The following MACF1 variants were observed in gnomAD, a reference collection of about 807,000 sequenced individuals.
MACF1 encodes microtubule-actin cross-linking factor 1.
A neutral mutation model predicts 854.8 loss-of-function variants in MACF1; 193 were observed. The observed-to-expected ratio is 0.23, with a 90% CI of 0.20 to 0.25. The LOEUF (loss-of-function observed/expected upper bound fraction) is 0.25. MACF1 is among the 10% of genes least tolerant of loss of function. The pLI is 1.00. For synonymous variants in MACF1, 3,185 were observed against 3,226.7 expected (o/e 0.99, Z 0.44); for missense variants, 7,722 against 8,929.1 (o/e 0.86, Z 5.45).
rs759460057 is a variant in MACF1, at chr1:39,291,989, C to G, written c.1865C>G (p.Thr622Arg). The change falls in exon 16 of 101, where the codon ACG becomes AGG. Residue 622 changes from threonine (T) to arginine (R), a missense_variant. By Grantham distance (71) the Thr-to-Arg change is moderately conservative. Coordinates refer to ENST00000564288, the MANE Select transcript of MACF1 (RefSeq NM_001394062.1). ...LQLETQQHIH[T>R]SVEELGSSVK... ...CTAGAAACACAGCAGCACATCCATA[C>G]GAGTGTAGAAGAGCTGGGCTCAAGT... 1.2e-6 allele frequency: 2 copies of G among 1,613,972 alleles called. No homozygotes were observed. Among genetic ancestry groups the G allele is most frequent in the Non-Finnish European group, 1.7e-6 (2 of 1,179,982 alleles).
chr1:39,335,434 C>T lies in MACF1; in HGVS notation c.8846C>T (p.Thr2949Ile), dbSNP rs759182689. The stretch of plus-strand genomic sequence containing the variant: ...GAAGTGATTTTGGAAGTACAAGAAA[C>T]ATATTGTGAAACGTCAGGCAAATTG... Reference protein sequence around the residue: ...QGEVILEVQETYCETSGKLPS... With the variant: ...QGEVILEVQEIYCETSGKLPS... The change falls in exon 37 of 101, where the codon ACA becomes ATA. Residue 2949 changes from threonine to isoleucine, a missense_variant. Coordinates refer to ENST00000564288, the MANE Select transcript of MACF1 (RefSeq NM_001394062.1). 5 of 1,614,002 alleles carry T rather than the reference C, an allele frequency of 3.1e-6. No individual in the cohort carries two copies. In the African/African-American group the frequency reaches 6.7e-5, roughly 22 times the overall value.
intron 4 of MACF1, among the ~76,000 whole-genome samples, chr1:39,252,721 A>G (rs1645054893): frequency 6.6e-6 from 1 of 152,218 alleles, no homozygotes; most frequent in Non-Finnish European, 1.5e-5. Flanking sequence ...CTTCTAAGCC[A>G]TATTCACAAT....
Position 39,435,617 on chromosome 1 carries a change from C to G in MACF1, c.17844C>G (p.Gly5948=), listed in dbSNP as rs752921964. 1.2e-6 allele frequency: 2 copies of G among 1,613,904 alleles called. No individual in the cohort carries two copies. The highest frequency in any genetic ancestry group is 2.7e-5 in the African/African-American group (2 of 74,842). Residue 5948 remains glycine (G), a synonymous_variant, in exon 70 of 101, where the codon GGC becomes GGG. Transcript: ENST00000564288. ...ATATTGACAAACTACTAAAGATAGG[C>G]CCACAACTAAAGGAATTAAACCCTG... ...KPHIDKLLKI[G]PQLKELNPEE...
chr1:39,306,860 AATTATTATTATT>A (rs141461887), intron 23 of MACF1, among the ~76,000 whole-genome samples: 3 of 144,876 alleles, frequency 2.1e-5, no homozygotes, highest in South Asian at 2.2e-4. Flanking sequence ...CATTTTTTGA[AATTATTATTATT>A]ATTATTATTA....
intron 13 of MACF1, 60 bp from the exon 14 acceptor site, chr1:39,285,544 C>A: frequency 1.3e-6 from 2 of 1,557,556 alleles, no homozygotes; most frequent in Non-Finnish European, 1.8e-6. Flanking sequence ...TTGGCTCCCT[C>A]TGTCCTAGTG....
intron 2 of MACF1, among the ~76,000 whole-genome samples, chr1:39,180,860 T>C (rs570754586): frequency 3.3e-5 from 5 of 152,264 alleles, no homozygotes; most frequent in Non-Finnish European, 7.4e-5. Context: ...TGGGAACTTG[T>C]TGAAAATTGT....
chr1:39,480,082 T>C (rs1644986295), intron 98 of MACF1, 73 bp downstream of exon 98: 1 of 1,350,530 alleles, frequency 7.4e-7, no homozygotes, highest in Non-Finnish European at 1.1e-6. Flanking sequence ...CACGGTAGCC[T>C]CTGAAAGACT....
chr1:39,348,091 T>A (rs1455819991), intron 41 of MACF1, among the ~76,000 whole-genome samples: 6 of 152,178 alleles, frequency 3.9e-5, no homozygotes, highest in East Asian at 1.9e-4. Context: ...GTGCAAAAAA[T>A]TGAGCTTTTG....
intron 36 of MACF1, among the ~76,000 whole-genome samples, chr1:39,328,870 G>C (rs184925373): frequency 1.8e-3 from 277 of 152,308 alleles, no homozygotes; most frequent in Non-Finnish European, 3.2e-3. Flanking sequence ...GGTGTTGGAA[G>C]TAACAGTGTA....
At position 39,285,811 on chromosome 1, in the gene MACF1, A is replaced by T. The variant is rs1376325589; in HGVS notation, c.1508+53A>T. The T allele has an allele frequency of 2.5e-6, 4 of 1,593,456 alleles. No individual in the cohort carries two copies. The East Asian group carries it at 9.0e-5, about 36-fold the overall frequency. ...GCTTGCTTGCTTACTGCTGAGGCTCATGGATCAAGAGTAGAGCAAGAGTCA... is the reference window on the plus strand; with the variant it reads ...GCTTGCTTGCTTACTGCTGAGGCTCTTGGATCAAGAGTAGAGCAAGAGTCA... On this transcript the variant is annotated intron_variant, in intron 14 of 100. Coordinates refer to ENST00000564288, the MANE Select transcript of MACF1 (RefSeq NM_001394062.1).
At chr1:39,190,689 G>A (rs1644245364) in intron 2 of MACF1, among the ~76,000 whole-genome samples, 1 of 151,736 alleles carries the variant, frequency 6.6e-6, no homozygotes, top group Admixed American at 6.6e-5. Flanking sequence ...AGGATCTTGA[G>A]TATTCTGGAT....
intron 2 of MACF1, among the ~76,000 whole-genome samples, chr1:39,174,602 C>T (rs1431051729): frequency 1.3e-5 from 2 of 152,044 alleles, no homozygotes; most frequent in Non-Finnish European, 1.5e-5. Flanking sequence ...GGCTCAGTGT[C>T]TTCTTAGTTG....
At chr1:39,313,835 C>T (rs1037870719) in intron 26 of MACF1, among the ~76,000 whole-genome samples, 10 of 152,080 alleles carry the variant, frequency 6.6e-5, no homozygotes, top group African/African-American at 2.4e-4. Flanking sequence ...GGCTGGTCTC[C>T]AACTCCTGGC....
At chr1:39,319,499 C>T (rs1646473328) in intron 30 of MACF1, among the ~76,000 whole-genome samples, 165 bp from the exon 31 acceptor site, 2 of 152,154 alleles carry the variant, frequency 1.3e-5, no homozygotes, top group South Asian at 4.1e-4. Context: ...ACCCACTGAA[C>T]CAGAAACTCT....
intron 67 of MACF1, 89 bp from the exon 68 acceptor site, chr1:39,432,959 A>G (rs927246147): frequency 3.8e-6 from 3 of 795,590 alleles, no homozygotes. Flanking sequence ...ACAATTTTTG[A>G]TGTGGCTTTT....
At chr1:39,291,819 C>T in intron 15 of MACF1, 91 bp from the exon 16 acceptor site, 2 of 1,353,788 alleles carry the variant, frequency 1.5e-6, no homozygotes, top group Non-Finnish European at 2.0e-6. Flanking sequence ...CAGTCCTCTA[C>T]CCCTTGGTTC....
rs144780625 is a variant in MACF1, at chr1:39,336,413, G to A, written c.9825G>A (p.Leu3275=). The A allele has an allele frequency of 1.2e-5, 19 of 1,614,048 alleles. No homozygotes were observed. In the African/African-American group the frequency reaches 1.5e-4, roughly 12 times the overall value. ...RVLGSFLPEK[L]FKGVSQKENT... is the part of the protein sequence containing the mutation. ...TGGGATCCTTTCTTCCAGAGAAACT[G>A]TTCAAAGGAGTGTCTCAAAAAGAGA... is the stretch of plus-strand genomic sequence containing the variant. Residue 3275 remains leucine, a synonymous_variant, in exon 37 of 101, where the codon CTG becomes CTA. Transcript: ENST00000564288.
chr1:39,189,395 G>C (rs779855822), intron 2 of MACF1, among the ~76,000 whole-genome samples: 16 of 152,054 alleles, frequency 1.1e-4, no homozygotes, highest in Non-Finnish European at 1.8e-4. Flanking sequence ...TTCTCTTACT[G>C]TCACTTTTCT....
intron 14 of MACF1, among the ~76,000 whole-genome samples, chr1:39,287,046 C>T (rs1023171210): frequency 2.8e-4 from 42 of 150,476 alleles, no homozygotes; most frequent in Non-Finnish European, 4.9e-4. Context: ...CTGCAACCTC[C>T]GCCTCCTGAG....
Sources: allele counts gnomAD v4.1 joint callset (sites outside exome capture counted in the v4.1 genomes callset), GRCh38; gene constraint gnomAD v4.1.1; transcripts MANE v1.5; gene names NCBI Gene and HGNC (gene_info 2026-07-23, HGNC 2026-07-21).